POU6F2: variants seen among roughly 807,000 people sequenced by gnomAD.
The protein encoded by POU6F2 is POU domain, class 6, transcription factor 2.
Under a neutral mutation model 71.3 loss-of-function variants are expected in POU6F2, and 31 were observed. The ratio of observed to expected loss-of-function variants is 0.43; its 90% CI spans 0.33 to 0.59. POU6F2 has a LOEUF of 0.59. Among genes scored for constraint, POU6F2 ranks in the 20% least tolerant of loss-of-function variants. The pLI is 0.04. For missense variants in POU6F2, 783 were observed against 856.8 expected (o/e 0.91, Z 1.07); for synonymous variants, 347 against 355.7 (o/e 0.98, Z 0.27).
Position 39,076,446 on chromosome 7 carries a change from C to T in POU6F2, c.106-9414C>T, listed in dbSNP as rs550394649. ...ATCATTGATAGGTGCAGCAAACCCT[C>T]GTGGCACGCATTTACCTATGTAACA... is the stretch of plus-strand genomic sequence containing the variant. On this transcript the variant is annotated intron_variant, in intron 1 of 9. Coordinates refer to ENST00000518318, the MANE Select transcript of POU6F2 (RefSeq NM_001370959.1). Among the ~76,000 whole-genome samples, 93 of 152,238 alleles carry T rather than the reference C, an allele frequency of 6.1e-4. No individual in the cohort carries two copies. The Middle Eastern group carries it at 0.01, about 17-fold the overall frequency.
At chr7:39,262,459 G>C (rs1263913273) in intron 4 of POU6F2, among the ~76,000 whole-genome samples, 2 of 152,110 alleles carry the variant, frequency 1.3e-5, no homozygotes, top group African/African-American at 4.8e-5. Flanking sequence ...TTCAATGATG[G>C]CATCCACATT....
At chr7:39,435,207 A>T (rs1283939089) in intron 7 of POU6F2, among the ~76,000 whole-genome samples, 2 of 152,216 alleles carry the variant, frequency 1.3e-5, no homozygotes, top group Non-Finnish European at 2.9e-5. Flanking sequence ...AGGAATTGCC[A>T]TACTGTCTTC....
intron 1 of POU6F2, chr7:38,984,979 C>G (rs1206359349): frequency 6.6e-6 from 1 of 152,020 alleles, no homozygotes; most frequent in East Asian, 1.9e-4. Context: ...GTGCAGAATT[C>G]ATATACAGAT....
chr7:39,047,755 C>T (rs551640300), intron 1 of POU6F2, among the ~76,000 whole-genome samples: 72 of 151,844 alleles, frequency 4.7e-4, no homozygotes, highest in Non-Finnish European at 8.8e-4. Flanking sequence ...TTTTAAAAAT[C>T]ATGAATGCAT....
At chr7:39,006,606 A>T (rs1326754380) in intron 1 of POU6F2, among the ~76,000 whole-genome samples, 1 of 152,206 alleles carries the variant, frequency 6.6e-6, no homozygotes, top group Non-Finnish European at 1.5e-5. Context: ...TTTCCCATGT[A>T]GCTCCACGGA....
intron 1 of POU6F2, among the ~76,000 whole-genome samples, chr7:39,080,612 T>G (rs912730633): frequency 8.1e-4 from 123 of 152,358 alleles, no homozygotes; most frequent in Non-Finnish European, 2.2e-4. Context: ...CATACTTGAG[T>G]GCTTCACAAC....
chr7:39,120,863 G>C (rs1456411824), intron 2 of POU6F2: 1 of 152,132 alleles, frequency 6.6e-6, no homozygotes, highest in African/African-American at 2.4e-5. Flanking sequence ...TGATACAGGA[G>C]TGCCAGGACT....
At chr7:39,227,168 A>T (rs570287344) in intron 4 of POU6F2, among the ~76,000 whole-genome samples, 3 of 152,314 alleles carry the variant, frequency 2.0e-5, no homozygotes, top group Admixed American at 2.0e-4. Flanking sequence ...CTAACTATTA[A>T]GGTCTTTGGC....
At position 39,467,056 on chromosome 7, in the gene POU6F2, A is replaced by G. The variant is rs553706386; in HGVS notation, c.*2370A>G. On this transcript the variant is annotated 3_prime_UTR_variant, in exon 10 of 10. Coordinates refer to ENST00000518318, the MANE Select transcript of POU6F2 (RefSeq NM_001370959.1). The stretch of plus-strand genomic sequence containing the variant: ...TAAGGCCTGCTCAGTTCTGAGATCT[A>G]TAATTGGGAGGGTCTAACTAGGACA... The G allele has an allele frequency of 3.3e-5, 5 of 152,334 alleles. No homozygotes were observed. Among genetic ancestry groups the G allele is most frequent in the African/African-American group, 7.2e-5 (3 of 41,570 alleles). 9.4% of individuals were successfully genotyped at this position (152,334 alleles called of 1,614,324 possible). A position where few individuals can be genotyped will look rare whatever the true frequency, so the allele number is the denominator to read the frequency against.
Position 39,448,113 on chromosome 7 carries a change from C to G in POU6F2, c.1321-3420C>G, listed in dbSNP as rs796858376. Among the ~76,000 whole-genome samples, 9 of 152,264 alleles carry G rather than the reference C, an allele frequency of 5.9e-5. 1 individual carries two copies. The highest frequency in any genetic ancestry group is 1.9e-4 in the African/African-American group (8 of 41,546). On this transcript the variant is annotated intron_variant, in intron 7 of 9. Transcript: ENST00000518318. Reference sequence around the variant, plus strand: ...ATCCCAGTGATGTAGTGCTATATTTCATAGTTTACCTGAAAGAATTACAGT... The same window carrying G: ...ATCCCAGTGATGTAGTGCTATATTTGATAGTTTACCTGAAAGAATTACAGT...
intron 2 of POU6F2, among the ~76,000 whole-genome samples, chr7:39,177,654 A>G (rs550058559): frequency 6.6e-6 from 1 of 152,338 alleles, no homozygotes; most frequent in Admixed American, 6.5e-5. Flanking sequence ...TTGGCCTGAA[A>G]GGTCCTATAG....
chr7:39,453,535 T>C (rs572502105), intron 8 of POU6F2, among the ~76,000 whole-genome samples: 302 of 152,328 alleles, frequency 2.0e-3, no homozygotes, highest in African/African-American at 6.5e-3. Context: ...ATACAGTGTT[T>C]CACACAAGGT....
At chr7:39,199,334 T>A (rs529366460) in intron 2 of POU6F2, among the ~76,000 whole-genome samples, 1 of 152,172 alleles carries the variant, frequency 6.6e-6, no homozygotes, top group African/African-American at 2.4e-5. Context: ...AAAAAGAGTA[T>A]ATGTGTTTCT....
At chr7:39,231,464 T>G (rs1794572681) in intron 4 of POU6F2, among the ~76,000 whole-genome samples, 2 of 152,190 alleles carry the variant, frequency 1.3e-5, no homozygotes, top group Admixed American at 1.3e-4. Flanking sequence ...GAAATATATA[T>G]AATTATACCC....
chr7:39,379,051 A>G (rs1019189921), intron 5 of POU6F2, among the ~76,000 whole-genome samples: 2 of 152,194 alleles, frequency 1.3e-5, no homozygotes, highest in African/African-American at 4.8e-5. Flanking sequence ...CTCAAAGTCA[A>G]AATGGTAAGA....
At chr7:39,228,554 A>C (rs1794515644) in intron 4 of POU6F2, among the ~76,000 whole-genome samples, 1 of 152,202 alleles carries the variant, frequency 6.6e-6, no homozygotes, top group South Asian at 2.1e-4. Flanking sequence ...CGGATCTGTC[A>C]CCAGCAGTGT....
chr7:39,327,535 G>A (rs555217777), intron 4 of POU6F2, among the ~76,000 whole-genome samples: 126 of 152,084 alleles, frequency 8.3e-4, no homozygotes, highest in African/African-American at 2.7e-3. Context: ...TACTCTGAGA[G>A]GATTGCTTGA....
chr7:39,463,101 A>C (rs1788986166), intron 9 of POU6F2, among the ~76,000 whole-genome samples: 1 of 152,236 alleles, frequency 6.6e-6, no homozygotes, highest in African/African-American at 2.4e-5. Context: ...CTGTGTATCC[A>C]AAGCTGTCAT....
intron 1 of POU6F2, among the ~76,000 whole-genome samples, chr7:39,031,044 G>A (rs1248965308): frequency 5.9e-5 from 9 of 151,958 alleles, no homozygotes; most frequent in Admixed American, 5.9e-4. Context: ...GGGATTACAG[G>A]TGCCCACCAC....
Sources: allele counts gnomAD v4.1 joint callset (sites outside exome capture counted in the v4.1 genomes callset), GRCh38; gene constraint gnomAD v4.1.1; transcripts MANE v1.5; gene names NCBI Gene and HGNC (gene_info 2026-07-23, HGNC 2026-07-21).